The following DYNC2H1 variants were observed in gnomAD, a reference collection of about 807,000 sequenced individuals.
DYNC2H1 encodes cytoplasmic dynein 2 heavy chain 1.
DYNC2H1 carries 410 observed loss-of-function variants against 570.0 expected under a neutral mutation model. That is an observed-to-expected ratio of 0.72 (90% CI 0.66 to 0.78). DYNC2H1 has a LOEUF of 0.78. Among genes scored for constraint, DYNC2H1 ranks in the 30% least tolerant of loss-of-function variants. The pLI is 0.00. For missense variants in DYNC2H1, 4,865 were observed against 5,046.4 expected (o/e 0.96, Z 1.09); for synonymous variants, 1,688 against 1,677.6 (o/e 1.01, Z -0.15).
chr11:103,179,573 G>A (rs908669494), intron 39 of DYNC2H1, among the ~76,000 whole-genome samples: 2 of 151,610 alleles, frequency 1.3e-5, no homozygotes, highest in African/African-American at 4.8e-5. Context: ...AATATTATGA[G>A]CTAATAATTT....
At chr11:103,355,572 A>G (rs1940295112) in intron 82 of DYNC2H1, among the ~76,000 whole-genome samples, 2 of 152,208 alleles carry the variant, frequency 1.3e-5, no homozygotes, top group Non-Finnish European at 2.9e-5. Context: ...TATAAGATTT[A>G]GTGTCTTACA....
chr11:103,370,139 A>G (rs1941086772), intron 83 of DYNC2H1, among the ~76,000 whole-genome samples: 1 of 152,228 alleles, frequency 6.6e-6, no homozygotes, highest in South Asian at 2.1e-4. Flanking sequence ...AGTGGACTGA[A>G]GAACCTTTGG....
chr11:103,302,184 A>C (rs1000659508), intron 75 of DYNC2H1, among the ~76,000 whole-genome samples: 6 of 152,064 alleles, frequency 3.9e-5, no homozygotes, highest in Admixed American at 3.9e-4. Context: ...GTTTAAATAT[A>C]GTTAATGGTG....
chr11:103,253,209 A>G lies in DYNC2H1; in HGVS notation c.10043-76A>G, dbSNP rs11820029. 165,031 of 1,427,566 alleles carry G rather than the reference A, an allele frequency of 0.12. 9,888 individuals carry two copies. Among genetic ancestry groups the G allele is most frequent in the East Asian group, 0.12 (4,917 of 40,650 alleles). 88.4% of individuals were successfully genotyped at this position (1,427,566 alleles called of 1,614,324 possible). On this transcript the variant is annotated intron_variant, in intron 65 of 88. Transcript: ENST00000375735. ...AAAAGCCTATATTTAGAAGTACTTA[A>G]AAATTATATTTTCAAATATTGTATA... is the stretch of plus-strand genomic sequence containing the variant.
intron 84 of DYNC2H1, among the ~76,000 whole-genome samples, chr11:103,425,869 C>T (rs1404125489): frequency 1.3e-5 from 2 of 151,652 alleles, no homozygotes; most frequent in Non-Finnish European, 1.5e-5. Context: ...ATATAAATTT[C>T]ATTATATACA....
chr11:103,164,343 A>G (rs934701023), intron 30 of DYNC2H1, among the ~76,000 whole-genome samples: 3 of 152,212 alleles, frequency 2.0e-5, no homozygotes, highest in African/African-American at 7.2e-5. Flanking sequence ...GTGAACTACT[A>G]AAAATGTAAA....
chr11:103,139,784 C>T (rs2134806866), intron 17 of DYNC2H1, among the ~76,000 whole-genome samples: 1 of 152,052 alleles, frequency 6.6e-6, no homozygotes, highest in African/African-American at 2.4e-5. Flanking sequence ...AACTTTCTGT[C>T]TCGTTGATCT....
In DYNC2H1 at chr11:103,209,234, T is replaced by C. The variant is rs900996388; in HGVS notation, c.8455-642T>C. ...AAGAAATTGAAGCTATTTGGCTTAA[T>C]TTAAAATTTCAAAATTGTTACTTTA... On this transcript the variant is annotated intron_variant, in intron 52 of 88. Transcript: ENST00000375735. This position sits in a 1 kb window ranked among gnomAD's most constrained non-coding sequence, Gnocchi z 4.2. Among the ~76,000 whole-genome samples the C allele has an allele frequency of 3.3e-5, 5 of 152,108 alleles. No individual in the cohort carries two copies. Among genetic ancestry groups the C allele is most frequent in the Non-Finnish European group, 7.4e-5 (5 of 67,994 alleles).
At chr11:103,356,073 G>T (rs1940320948) in intron 82 of DYNC2H1, among the ~76,000 whole-genome samples, 1 of 151,840 alleles carries the variant, frequency 6.6e-6, no homozygotes, top group Admixed American at 6.6e-5. Context: ...GTTAATTATG[G>T]GTAGAAAGTG....
chr11:103,341,885 T>C (rs963060875), intron 82 of DYNC2H1, among the ~76,000 whole-genome samples: 2 of 152,208 alleles, frequency 1.3e-5, no homozygotes, highest in African/African-American at 4.8e-5. Flanking sequence ...TTCAATTATT[T>C]CAGTTCTCTC....
At chr11:103,230,044 G>A (rs1320325505) in intron 59 of DYNC2H1, among the ~76,000 whole-genome samples, 1 of 152,088 alleles carries the variant, frequency 6.6e-6, no homozygotes, top group Non-Finnish European at 1.5e-5. Context: ...ATATATTGAG[G>A]GGGAGGGGAC....
At position 103,199,983 on chromosome 11, in the gene DYNC2H1, G is replaced by A. The variant is rs1186365187; in HGVS notation, c.8089-63G>A. On this transcript the variant is annotated intron_variant, in intron 49 of 88. Coordinates refer to ENST00000375735, the MANE Select transcript of DYNC2H1 (RefSeq NM_001377.3). This position sits in a 1 kb window ranked among gnomAD's most constrained non-coding sequence, Gnocchi z 4.6. ...CATACTTTACATACAAATACAAAAT[G>A]TTAATTTTTAACTGTACCAAAAATA... The A allele has an allele frequency of 9.4e-7, 1 of 1,064,640 alleles. No individual in the cohort carries two copies. Among genetic ancestry groups the A allele is most frequent in the Non-Finnish European group, 1.4e-6 (1 of 713,378 alleles). 65.9% of individuals were successfully genotyped at this position (1,064,640 alleles called of 1,614,324 possible). A position where few individuals can be genotyped will look rare whatever the true frequency, so the allele number is the denominator to read the frequency against.
At chr11:103,258,642 T>C (rs1362124997) in intron 69 of DYNC2H1, among the ~76,000 whole-genome samples, 3 of 152,220 alleles carry the variant, frequency 2.0e-5, no homozygotes, top group African/African-American at 7.2e-5. Flanking sequence ...TTCACAGCAC[T>C]GAGTAGATGG....
intron 84 of DYNC2H1, among the ~76,000 whole-genome samples, chr11:103,413,879 T>A (rs907344328): frequency 2.1e-4 from 32 of 152,254 alleles, no homozygotes; most frequent in African/African-American, 7.0e-4. Flanking sequence ...GTTAATAGAA[T>A]ACACTTTCTC....
At chr11:103,278,107 T>G (rs1417417962) in intron 70 of DYNC2H1, among the ~76,000 whole-genome samples, 2 of 152,072 alleles carry the variant, frequency 1.3e-5, no homozygotes, top group Non-Finnish European at 2.9e-5. Context: ...TTGAGGACCT[T>G]TTATCCAAGA....
At chr11:103,416,919 TAAAC>T in intron 84 of DYNC2H1, among the ~76,000 whole-genome samples, 1 of 152,106 alleles carries the variant, frequency 6.6e-6, no homozygotes, top group East Asian at 1.9e-4. Flanking sequence ...ACAAGGAACT[TAAAC>T]AAATTTACAA....
intron 75 of DYNC2H1, among the ~76,000 whole-genome samples, chr11:103,292,523 G>C (rs1436154945): frequency 1.3e-5 from 2 of 152,110 alleles, no homozygotes; most frequent in South Asian, 2.1e-4. Context: ...TCATAATAAA[G>C]ATATGAATGG....
intron 82 of DYNC2H1, among the ~76,000 whole-genome samples, chr11:103,331,882 A>G (rs1175849182): frequency 1.3e-5 from 2 of 152,140 alleles, no homozygotes; most frequent in African/African-American, 4.8e-5. Context: ...TAACACGGTG[A>G]AAGCCGGCTC....
chr11:103,413,287 A>G lies in DYNC2H1; in HGVS notation c.12366+13415A>G, dbSNP rs1025820963. 1.1e-4 allele frequency among the ~76,000 whole-genome samples: 16 copies of G among 152,326 alleles called. No homozygotes were observed. In the East Asian group the frequency reaches 3.1e-3, roughly 29 times the overall value. On this transcript the variant is annotated intron_variant, in intron 84 of 88. Transcript: ENST00000375735. ...TTTACTTGCCTGCAAATTAGTTCTT[A>G]GGAAAGTTCTACTCCAACTATTTTA...
Sources: allele counts gnomAD v4.1 joint callset (sites outside exome capture counted in the v4.1 genomes callset), GRCh38; gene constraint gnomAD v4.1.1; non-coding constraint Gnocchi (gnomAD v3.1); transcripts MANE v1.5; gene names NCBI Gene and HGNC (gene_info 2026-07-23, HGNC 2026-07-21).